The following DAB1 variants were observed in gnomAD, a reference collection of about 807,000 sequenced individuals.
The protein encoded by DAB1 is DAB adaptor protein 1.
In DAB1, 15 loss-of-function variants were observed where a neutral mutation model predicts 64.6. The ratio of observed to expected loss-of-function variants is 0.23; its 90% CI spans 0.16 to 0.36. The LOEUF (loss-of-function observed/expected upper bound fraction) is 0.36, where lower values mean the gene tolerates loss of function less well. DAB1 is among the 10% of genes least tolerant of loss of function. The pLI is 1.00. For missense variants in DAB1, 596 were observed against 706.7 expected, an observed-to-expected ratio of 0.84 and a Z score of 1.78; for synonymous variants, 235 against 251.9, an observed-to-expected ratio of 0.93 and a Z score of 0.64.
intron 5 of DAB1, among the ~76,000 whole-genome samples, chr1:58,032,082 T>C (rs1428541618): frequency 1.3e-5 from 2 of 151,410 alleles, no homozygotes; most frequent in African/African-American, 4.9e-5. Context: ...GTGTGGTCTA[T>C]GGACAAGCAG....
At chr1:58,134,372 GGAAA>G (rs1387648874) in intron 5 of DAB1, among the ~76,000 whole-genome samples, 1 of 152,136 alleles carries the variant, frequency 6.6e-6, no homozygotes, top group Non-Finnish European at 1.5e-5. Context: ...CCATATATGA[GGAAA>G]GAACCTTTGT....
chr1:57,059,316 G>A (rs1650147086), intron 9 of DAB1, among the ~76,000 whole-genome samples: 2 of 152,132 alleles, frequency 1.3e-5, no homozygotes, highest in Admixed American at 1.3e-4. Context: ...ACTACACCCA[G>A]ATCTCACTCT....
chr1:57,196,937 A>G (rs1169709811), intron 2 of DAB1, among the ~76,000 whole-genome samples: 1 of 152,232 alleles, frequency 6.6e-6, no homozygotes, highest in Non-Finnish European at 1.5e-5. Context: ...TACATCAGGT[A>G]CTTCCTAAGC....
In DAB1 at chr1:57,721,597, G is replaced by C. The variant is rs181360188; in HGVS notation, n.552-71932C>G. Among the ~76,000 whole-genome samples the C allele has an allele frequency of 1.6e-3, 243 of 152,340 alleles. 2 individuals are homozygous for C. Among genetic ancestry groups the C allele is most frequent in the African/African-American group, 5.6e-3 (232 of 41,584 alleles). On this transcript the variant is annotated intron_variant and non_coding_transcript_variant, in intron 6 of 20. Transcript: ENST00000485760. ...GCCACACCAGTAGTAAGTAACAGAG[G>C]AAGGAAAGAGCCCAGGCTATCTGAG...
chr1:57,097,375 T>C (rs1444118403), intron 4 of DAB1, among the ~76,000 whole-genome samples: 1 of 152,220 alleles, frequency 6.6e-6, no homozygotes, highest in East Asian at 1.9e-4. Context: ...AGCTGATGGA[T>C]GCTTCTACAT....
chr1:57,326,437 A>T (rs1296123221), intron 1 of DAB1, among the ~76,000 whole-genome samples: 5 of 152,198 alleles, frequency 3.3e-5, no homozygotes, highest in Admixed American at 3.3e-4. Flanking sequence ...CAGGTGACTG[A>T]AAGAGGGTAT....
At chr1:57,673,922 T>C (rs993276702) in intron 6 of DAB1, among the ~76,000 whole-genome samples, 1 of 152,098 alleles carries the variant, frequency 6.6e-6, no homozygotes, top group Non-Finnish European at 1.5e-5. Flanking sequence ...ATGGAAACAG[T>C]CATGAAAGAG....
intron 6 of DAB1, among the ~76,000 whole-genome samples, chr1:57,741,178 TAA>T (rs373606599): frequency 1.8e-3 from 272 of 152,298 alleles, no homozygotes; most frequent in African/African-American, 6.4e-3. Flanking sequence ...ACAGAAGGTA[TAA>T]AGTCACTTCT....
chr1:58,299,613 TGAC>T (rs1325247008), intron 4 of DAB1, among the ~76,000 whole-genome samples: 1 of 152,202 alleles, frequency 6.6e-6, no homozygotes, highest in African/African-American at 2.4e-5. Context: ...TCAGAGCCTT[TGAC>T]GACCACTGGT....
chr1:57,719,117 T>A (rs1404803906), intron 6 of DAB1, among the ~76,000 whole-genome samples: 1 of 152,262 alleles, frequency 6.6e-6, no homozygotes, highest in Non-Finnish European at 1.5e-5. Context: ...ACAACTATTA[T>A]CCATTATTCA....
chr1:57,110,386 G>A (rs1393084999), intron 4 of DAB1, among the ~76,000 whole-genome samples: 1 of 152,182 alleles, frequency 6.6e-6, no homozygotes, highest in East Asian at 1.9e-4. Context: ...TTTCAGATCT[G>A]CCATGAATGG....
Position 58,300,647 on chromosome 1 carries a change from AGGAAGG to A in DAB1, n.309+42699_309+42704del, listed in dbSNP as rs1236626379. On this transcript the variant is annotated intron_variant and non_coding_transcript_variant, in intron 4 of 20. Coordinates refer to the DAB1 transcript ENST00000485760. ...GAGAGAGAGAGAGAGAGAGAGAGAG[AGGAAGG>A]AAGGAAGGAAGGAAGGAAGGAAGGA... Among the ~76,000 whole-genome samples, 174 of 41,718 alleles carry A rather than the reference AGGAAGG, an allele frequency of 4.2e-3. 6 individuals carry two copies. Among genetic ancestry groups the A allele is most frequent in the Non-Finnish European group, 6.2e-3 (117 of 18,864 alleles). The allele number at this position is 41,718 out of a possible 152,430, so 27.4% of individuals were successfully genotyped here. A position where few individuals can be genotyped will look rare whatever the true frequency, so the allele number is the denominator to read the frequency against.
intron 3 of DAB1, among the ~76,000 whole-genome samples, chr1:58,379,201 TC>T (rs1038527494): frequency 6.6e-6 from 1 of 151,922 alleles, no homozygotes; most frequent in Non-Finnish European, 1.5e-5. Flanking sequence ...TCTTGGCTCC[TC>T]CCCCCCAGCT....
At position 57,607,339 on chromosome 1, in the gene DAB1, C is replaced by T. The variant is rs151300791; in HGVS notation, n.625+42253G>A. Among the ~76,000 whole-genome samples the T allele has an allele frequency of 9.1e-4, 138 of 152,224 alleles. 1 individual carries two copies. Among genetic ancestry groups the T allele is most frequent in the African/African-American group, 3.2e-3 (132 of 41,542 alleles). On this transcript the variant is annotated intron_variant and non_coding_transcript_variant, in intron 7 of 20. Transcript: ENST00000485760. ...ACCAGTCACACATTTTTCTGTATGA[C>T]GCCTTCATCTTTTTTGTGCAAACAT... is the stretch of plus-strand genomic sequence containing the variant.
intron 1 of DAB1, among the ~76,000 whole-genome samples, chr1:57,304,604 C>T (rs1400975143): frequency 2.0e-5 from 3 of 152,222 alleles, no homozygotes; most frequent in East Asian, 1.9e-4. Context: ...TGGTACCTTA[C>T]CCATAAGCGT....
In DAB1 at chr1:57,128,593, A is replaced by C. The variant is rs1657364566; in HGVS notation, c.306+7950T>G. On this transcript the variant is annotated intron_variant, in intron 4 of 14. Transcript: ENST00000371236. ...ATTTACCATCTGGCCCTTTAAAAAA[A>C]AGTATGCCATATGACCCTTGGTTTT... Among the ~76,000 whole-genome samples the C allele has an allele frequency of 2.0e-5, 3 of 152,302 alleles. No homozygotes were observed. The South Asian group carries it at 6.2e-4, about 32-fold the overall frequency.
chr1:57,490,923 A>C (rs1334971476), intron 7 of DAB1, among the ~76,000 whole-genome samples: 2 of 152,220 alleles, frequency 1.3e-5, no homozygotes, highest in African/African-American at 4.8e-5. Flanking sequence ...ATACAGGTAG[A>C]ATTTTTTCAC....
intron 3 of DAB1, among the ~76,000 whole-genome samples, chr1:58,484,934 T>C (rs1645548705): frequency 1.3e-5 from 2 of 152,008 alleles, no homozygotes; most frequent in Admixed American, 1.3e-4. Flanking sequence ...AGAGTGTATT[T>C]TTATGGCAGT....
intron 1 of DAB1, among the ~76,000 whole-genome samples, chr1:57,398,071 G>A (rs757334954): frequency 3.9e-5 from 6 of 152,118 alleles, no homozygotes; most frequent in Non-Finnish European, 7.3e-5. Flanking sequence ...ACTTCCATTT[G>A]ACTGCCCAAG....
Sources: allele counts gnomAD v4.1 joint callset (sites outside exome capture counted in the v4.1 genomes callset), GRCh38; gene constraint gnomAD v4.1.1; transcripts MANE v1.5; gene names NCBI Gene and HGNC (gene_info 2026-07-23, HGNC 2026-07-21).